DENND1A: variants seen among roughly 807,000 people sequenced by gnomAD.
DENND1A encodes DENN domain-containing protein 1A.
DENND1A carries 51 observed loss-of-function variants against 113.7 expected under a neutral mutation model. The observed-to-expected ratio is 0.45, with a 90% CI of 0.36 to 0.57. DENND1A has a LOEUF of 0.57. DENND1A is among the 20% of genes least tolerant of loss of function. The probability of loss-of-function intolerance (pLI) is 0.00; values close to 1 mark genes in which losing one functional copy is unlikely to be tolerated. For synonymous variants in DENND1A, 565 were observed against 570.8 expected (o/e 0.99, Z 0.14); for missense variants, 1,258 against 1,395.9 (o/e 0.90, Z 1.57).
At chr9:123,521,033 G>A (rs1261861937) in intron 13 of DENND1A, among the ~76,000 whole-genome samples, 3 of 152,126 alleles carry the variant, frequency 2.0e-5, no homozygotes, top group African/African-American at 7.2e-5. Context: ...TTCAAACACG[G>A]TTCTACCATG....
At chr9:123,771,821 C>G (rs1477382052) in intron 3 of DENND1A, among the ~76,000 whole-genome samples, 2 of 151,664 alleles carry the variant, frequency 1.3e-5, no homozygotes, top group African/African-American at 4.8e-5. Flanking sequence ...ACCAGCTTTC[C>G]TTTTTATCTA....
At chr9:123,444,747 T>G (rs949407739) in intron 18 of DENND1A, among the ~76,000 whole-genome samples, 25 of 152,380 alleles carry the variant, frequency 1.6e-4, no homozygotes, top group African/African-American at 5.8e-4. Flanking sequence ...AAAATGAGAT[T>G]ATTTTTTGTT....
intron 3 of DENND1A, among the ~76,000 whole-genome samples, chr9:123,789,496 T>C (rs924405764): frequency 6.6e-6 from 1 of 152,154 alleles, no homozygotes; most frequent in Non-Finnish European, 1.5e-5. Flanking sequence ...GGATCATTTA[T>C]TCTGCTTCTA....
chr9:123,502,439 G>A (rs2052570966), intron 13 of DENND1A, among the ~76,000 whole-genome samples: 2 of 152,164 alleles, frequency 1.3e-5, no homozygotes, highest in Admixed American at 1.3e-4. Flanking sequence ...TTTCCTGAAT[G>A]ATTAGTGATG....
intron 19 of DENND1A, among the ~76,000 whole-genome samples, chr9:123,415,895 CTGGGGACACAGA>C (rs1174198057): frequency 6.6e-6 from 1 of 152,114 alleles, no homozygotes; most frequent in Non-Finnish European, 1.5e-5. Flanking sequence ...GTGTCCCCAG[CTGGGGACACAGA>C]TGGGGAAGAG....
intron 1 of DENND1A, among the ~76,000 whole-genome samples, chr9:123,917,555 A>C (rs1855383719): frequency 6.6e-6 from 1 of 152,088 alleles, no homozygotes; most frequent in Non-Finnish European, 1.5e-5. Context: ...AGCAATATGA[A>C]CACATAATGC....
At chr9:123,927,615 T>C (rs1857335017) in intron 1 of DENND1A, among the ~76,000 whole-genome samples, 1 of 152,246 alleles carries the variant, frequency 6.6e-6, no homozygotes. Context: ...AGGCAGTCTG[T>C]GTAAAGTTTC....
chr9:123,909,619 T>C (rs1853594578), intron 1 of DENND1A, among the ~76,000 whole-genome samples: 3 of 151,980 alleles, frequency 2.0e-5, no homozygotes, highest in Admixed American at 2.0e-4. Context: ...TATTAAGCAC[T>C]TTCCTCTGAA....
chr9:123,410,108 CA>C (rs547926351), intron 20 of DENND1A, among the ~76,000 whole-genome samples: 1 of 150,932 alleles, frequency 6.6e-6, no homozygotes, highest in African/African-American at 2.4e-5. Flanking sequence ...AACAAACAAA[CA>C]AAAAAAAACT....
intron 2 of DENND1A, among the ~76,000 whole-genome samples, chr9:123,833,992 G>A (rs10986117): frequency 0.071 from 10,783 of 152,262 alleles, 577 homozygotes; most frequent in African/African-American, 0.15. Context: ...GGAGGCGGGG[G>A]TTGCAGGAAG....
chr9:123,917,826 C>A (rs1855439399), intron 1 of DENND1A, among the ~76,000 whole-genome samples: 1 of 152,026 alleles, frequency 6.6e-6, no homozygotes, highest in Non-Finnish European at 1.5e-5. Context: ...CTACTGGGAT[C>A]CTGGCCGGGA....
intron 15 of DENND1A, among the ~76,000 whole-genome samples, chr9:123,455,970 T>C (rs990143293): frequency 6.6e-6 from 1 of 152,202 alleles, no homozygotes; most frequent in African/African-American, 2.4e-5. Context: ...TCTTTAGTCA[T>C]GCATTTCTCT....
intron 13 of DENND1A, among the ~76,000 whole-genome samples, chr9:123,542,325 T>G (rs1392960011): frequency 6.6e-6 from 1 of 152,232 alleles, no homozygotes; most frequent in Non-Finnish European, 1.5e-5. Context: ...CAGAAAGGTA[T>G]AGTAACTTGT....
At chr9:123,711,991 T>G (rs1288406945) in intron 5 of DENND1A, among the ~76,000 whole-genome samples, 1 of 152,208 alleles carries the variant, frequency 6.6e-6, no homozygotes, top group African/African-American at 2.4e-5. Flanking sequence ...CTTTCATCCC[T>G]GATGCATGGA....
intron 2 of DENND1A, among the ~76,000 whole-genome samples, chr9:123,817,697 C>G (rs1324393264): frequency 6.6e-6 from 1 of 151,992 alleles, no homozygotes; most frequent in Admixed American, 6.6e-5. Flanking sequence ...GTGTACTAAC[C>G]CTTTGACCAG....
chr9:123,913,790 AGCT>A (rs1854524791), intron 1 of DENND1A, among the ~76,000 whole-genome samples: 1 of 151,564 alleles, frequency 6.6e-6, no homozygotes, highest in African/African-American at 2.4e-5. Context: ...CTGTAATCCC[AGCT>A]ACTCGGGAGG....
At chr9:123,529,780 G>A (rs2055147530) in intron 13 of DENND1A, among the ~76,000 whole-genome samples, 1 of 152,182 alleles carries the variant, frequency 6.6e-6, no homozygotes, top group African/African-American at 2.4e-5. Context: ...GAATAATGCA[G>A]TGATGTGAAG....
chr9:123,455,515 A>G (rs1403335385), intron 15 of DENND1A, among the ~76,000 whole-genome samples: 3 of 152,206 alleles, frequency 2.0e-5, no homozygotes, highest in African/African-American at 7.2e-5. Flanking sequence ...TAAACTTGAC[A>G]GCTCAGATGT....
chr9:123,573,147 A>G lies in DENND1A; in HGVS notation c.867+10022T>C, dbSNP rs1589191417. On this transcript the variant is annotated intron_variant, in intron 12 of 23. Coordinates refer to ENST00000394215, the MANE Select transcript of DENND1A (RefSeq NM_001352964.2). ...CTGGACTCTTAATTTTGTTCTATTG[A>G]TTTATATGTGTTTCTACACTGTCTT... Among the ~76,000 whole-genome samples, 3 of 152,082 alleles carry G rather than the reference A, an allele frequency of 2.0e-5. No homozygotes were observed. The East Asian group carries it at 5.8e-4, about 29-fold the overall frequency.
Sources: allele counts gnomAD v4.1 joint callset (sites outside exome capture counted in the v4.1 genomes callset), GRCh38; gene constraint gnomAD v4.1.1; transcripts MANE v1.5; gene names NCBI Gene and HGNC (gene_info 2026-07-23, HGNC 2026-07-21).